Variants in SCAMP2 observed in about 807,000 individuals in gnomAD.
The protein encoded by SCAMP2 is secretory carrier-associated membrane protein 2.
A neutral mutation model predicts 44.1 loss-of-function variants in SCAMP2; 25 were observed. That is an observed-to-expected ratio of 0.57 (90% CI 0.41 to 0.79). SCAMP2 has a LOEUF of 0.79. Among genes scored for constraint, SCAMP2 ranks in the 30% least tolerant of loss-of-function variants. The pLI is 0.00. For synonymous variants in SCAMP2, 156 were observed against 166.0 expected (o/e 0.94, Z 0.46); for missense variants, 355 against 411.0 (o/e 0.86, Z 1.18).
rs892264804 is a variant in SCAMP2 at position 74,844,210 on chromosome 15, G to GT, written c.*872_*873insA. On this transcript the variant is annotated 3_prime_UTR_variant, in exon 9 of 9. Transcript: ENST00000268099. ...CCGTCCCTCGGTTCGGGGAGGGGGGGGGGTAGTCACAGCAAACAGGGCCAA... is the reference window on the plus strand; with the variant it reads ...CCGTCCCTCGGTTCGGGGAGGGGGGGTGGGTAGTCACAGCAAACAGGGCCAA... 2 of 148,650 alleles carry GT rather than the reference G, an allele frequency of 1.3e-5. No homozygotes were observed. Among genetic ancestry groups the GT allele is most frequent in the East Asian group, 2.1e-4 (1 of 4,876 alleles). 9.2% of individuals were successfully genotyped at this position (148,650 alleles called of 1,614,324 possible).
intron 1 of SCAMP2, among the ~76,000 whole-genome samples, chr15:74,863,278 G>A (rs1002838298): frequency 2.1e-4 from 32 of 151,756 alleles, no homozygotes; most frequent in African/African-American, 7.5e-4. Flanking sequence ...CTGGGAGGCG[G>A]GGAGATTGCA....
intron 8 of SCAMP2, 107 bp downstream of exon 8, chr15:74,845,364 TGG>T: frequency 6.3e-7 from 1 of 1,594,904 alleles, no homozygotes; most frequent in South Asian, 1.1e-5. Flanking sequence ...ACTGGACCTT[TGG>T]GGGCCTAGGA....
intron 3 of SCAMP2, 198 bp from the exon 4 acceptor site, chr15:74,852,384 C>T (rs1217423354): frequency 2.4e-6 from 1 of 409,064 alleles, no homozygotes; most frequent in African/African-American, 2.1e-5. Flanking sequence ...ACTGCCCCCA[C>T]ACCTTCCTGA....
Position 74,844,943 on chromosome 15 carries a change from G to A in SCAMP2, c.*140C>T, listed in dbSNP as rs992002947. The A allele has an allele frequency of 1.3e-5, 12 of 928,988 alleles. No individual in the cohort carries two copies. The East Asian group carries it at 1.8e-4, about 14-fold the overall frequency. The allele number at this position is 928,988 out of a possible 1,614,324, so 57.5% of individuals were successfully genotyped here. Reference sequence around the variant, plus strand: ...CCTCCCGTTCCAGGGAGAGCTGGTCGCTGAGGGAGGAGGAAGAGCCACGGC... The same window carrying A: ...CCTCCCGTTCCAGGGAGAGCTGGTCACTGAGGGAGGAGGAAGAGCCACGGC... On this transcript the variant is annotated 3_prime_UTR_variant, in exon 9 of 9. Coordinates refer to ENST00000268099, the MANE Select transcript of SCAMP2 (RefSeq NM_005697.5).
intron 1 of SCAMP2, among the ~76,000 whole-genome samples, chr15:74,856,174 A>T (rs564893150): frequency 1.2e-4 from 17 of 143,794 alleles, no homozygotes; most frequent in South Asian, 6.6e-4. Context: ...TGGGTTCCAC[A>T]CCTCACCCCA....
At chr15:74,860,233 G>A (rs2064494295) in intron 1 of SCAMP2, among the ~76,000 whole-genome samples, 1 of 152,008 alleles carries the variant, frequency 6.6e-6, no homozygotes, top group African/African-American at 2.4e-5. Context: ...TGGCCAACAT[G>A]GTAAAACCCC....
At position 74,854,292 on chromosome 15, in the gene SCAMP2, A is replaced by G. The variant is rs572463436; in HGVS notation, c.127-173T>C. Reference sequence around the variant, plus strand: ...AGCCAACAAGCCTCAGGTTCAGGCCATCTGATCCCTAACCCGGCACCCCTG... The same window carrying G: ...AGCCAACAAGCCTCAGGTTCAGGCCGTCTGATCCCTAACCCGGCACCCCTG... On this transcript the variant is annotated intron_variant, in intron 2 of 8. Transcript: ENST00000268099. Among the ~76,000 whole-genome samples, 4 of 152,360 alleles carry G rather than the reference A, an allele frequency of 2.6e-5. No homozygotes were observed. In the South Asian group the frequency reaches 8.3e-4, roughly 32 times the overall value.
At chr15:74,858,938 A>T (rs1025397191) in intron 1 of SCAMP2, among the ~76,000 whole-genome samples, 2 of 148,720 alleles carry the variant, frequency 1.3e-5, no homozygotes, top group Admixed American at 6.9e-5. Context: ...CCTCCCCAGT[A>T]GCTGGGACTA....
Position 74,850,561 on chromosome 15 carries a change from A to G in SCAMP2, c.585T>C (p.Thr195=). 1 of 1,614,114 alleles carries G rather than the reference A, an allele frequency of 6.2e-7. No individual in the cohort carries two copies. Among genetic ancestry groups the G allele is most frequent in the Non-Finnish European group, 8.5e-7 (1 of 1,179,998 alleles). The change falls in exon 6 of 9, where the codon ACT becomes ACC. Residue 195 remains threonine (T), a synonymous_variant. Coordinates refer to ENST00000268099, the MANE Select transcript of SCAMP2 (RefSeq NM_005697.5). The part of the protein sequence containing the change: ...GLSILWFLIF[T]PCAFLCWYRP... ...GGTACCAACAAAGGAAGGCACAGGG[A>G]GTGAAGATCAGAAACCACAGGATGG...
chr15:74,852,211 G>A (rs2064440429), intron 3 of SCAMP2, 25 bp from the exon 4 acceptor site: 1 of 1,441,048 alleles, frequency 6.9e-7, no homozygotes, highest in East Asian at 2.6e-5. Flanking sequence ...GGAGGTACAG[G>A]GACAGCCAGA....
chr15:74,848,132 ATCATGGC>A (rs1370210726), intron 7 of SCAMP2, among the ~76,000 whole-genome samples: 4 of 151,566 alleles, frequency 2.6e-5, no homozygotes, highest in African/African-American at 9.7e-5. Flanking sequence ...CAGTGGTGCA[ATCATGGC>A]TCACTGCAGC....
At position 74,852,052 on chromosome 15, in the gene SCAMP2, C is replaced by G; in HGVS notation, c.343+17G>C. 6.5e-7 allele frequency: 1 copy of G among 1,540,796 alleles called. No homozygotes were observed. Among genetic ancestry groups the G allele is most frequent in the Non-Finnish European group, 8.8e-7 (1 of 1,138,472 alleles). On this transcript the variant is annotated intron_variant, in intron 4 of 8. Coordinates refer to ENST00000268099, the MANE Select transcript of SCAMP2 (RefSeq NM_005697.5). ...ATGCCAGGCAGGGCAGCCCCAGGCC[C>G]CAGCAGCCTCCCTTACCATGCAAGT...
rs1182975189 is a variant in SCAMP2 at position 74,850,610 on chromosome 15, G to C, written c.536C>G (p.Ser179Cys). ...ACLAWFSGNS[S>C]KGVDFGLSIL... is the part of the protein sequence containing the mutation. Reference sequence around the variant, plus strand: ...GGAGAGGCCAAAGTCCACTCCCTTGGAGCTGTTGCCCGAGAACCAGGCCAG... The same window carrying C: ...GGAGAGGCCAAAGTCCACTCCCTTGCAGCTGTTGCCCGAGAACCAGGCCAG... The change falls in exon 6 of 9, where the codon TCC becomes TGC. Residue 179 changes from serine to cysteine, a missense_variant. Transcript: ENST00000268099. 1.9e-6 allele frequency: 3 copies of C among 1,614,112 alleles called. No individual in the cohort carries two copies. In the Admixed American group the frequency reaches 5.0e-5, roughly 27 times the overall value.
intron 7 of SCAMP2, 122 bp from the exon 8 acceptor site, chr15:74,845,715 ACAG>A: frequency 8.0e-7 from 1 of 1,243,604 alleles, no homozygotes; most frequent in Non-Finnish European, 1.1e-6. Flanking sequence ...TCCCCACAGC[ACAG>A]GGAGCCCTGT....
chr15:74,850,657 C>T lies in SCAMP2; in HGVS notation c.489G>A (p.Leu163=). ...YYLWMLHSVT[L]FLNLLACLAW... ...CCAGGCAGGCAAGCAGGTTCAGAAA[C>T]AGAGTCACTGAATGCACTGGGGAAG... The change falls in exon 6 of 9, where the codon CTG becomes CTA. Residue 163 remains leucine (L), a synonymous_variant. Transcript: ENST00000268099. The T allele has an allele frequency of 6.2e-7, 1 of 1,613,990 alleles. No individual in the cohort carries two copies. The highest frequency in any genetic ancestry group is 1.1e-5 in the South Asian group (1 of 91,084).
At chr15:74,870,724 G>A (rs567954383) in intron 1 of SCAMP2, among the ~76,000 whole-genome samples, 3 of 152,280 alleles carry the variant, frequency 2.0e-5, no homozygotes, top group African/African-American at 4.8e-5. Flanking sequence ...TTTGCCCTGA[G>A]GGCTCCTGTT....
chr15:74,850,767 G>A, intron 5 of SCAMP2, 94 bp from the exon 6 acceptor site: 2 of 1,328,292 alleles, frequency 1.5e-6, no homozygotes, highest in Non-Finnish European at 2.1e-6. Context: ...TGAGGTTCAT[G>A]CTGCGAAGGC....
intron 1 of SCAMP2, among the ~76,000 whole-genome samples, chr15:74,870,498 C>T (rs953971482): frequency 6.6e-6 from 1 of 152,118 alleles, no homozygotes; most frequent in Non-Finnish European, 1.5e-5. Flanking sequence ...TACTAAAACC[C>T]AAACCCCAGT....
At position 74,873,296 on chromosome 15, in the gene SCAMP2, G is replaced by A. The variant is rs1596430034; in HGVS notation, c.-41C>T. 6.8e-7 allele frequency: 1 copy of A among 1,471,622 alleles called. No individual in the cohort carries two copies. The highest frequency in any genetic ancestry group is 3.0e-5 in the East Asian group (1 of 33,582). The allele number at this position is 1,471,622 out of a possible 1,614,324, so 91.2% of individuals were successfully genotyped here. ...GCGGGCGAACTCCGCGAACGCTGCT[G>A]CCTCCGGGCACCCAGACCCAGCGGC... On this transcript the variant is annotated 5_prime_UTR_variant, in exon 1 of 9. Coordinates refer to ENST00000268099, the MANE Select transcript of SCAMP2 (RefSeq NM_005697.5).
Sources: allele counts gnomAD v4.1 joint callset (sites outside exome capture counted in the v4.1 genomes callset), GRCh38; gene constraint gnomAD v4.1.1; transcripts MANE v1.5; gene names NCBI Gene and HGNC (gene_info 2026-07-23, HGNC 2026-07-21).